Variants in HS6ST3 observed in about 807,000 individuals in gnomAD.
The protein encoded by HS6ST3 is heparan-sulfate 6-O-sulfotransferase 3.
HS6ST3 carries 12 observed loss-of-function variants against 36.7 expected under a neutral mutation model. That is an observed-to-expected ratio of 0.33 (90% CI 0.21 to 0.53). The LOEUF is 0.53. Among genes scored for constraint, HS6ST3 ranks in the 20% least tolerant of loss-of-function variants. The pLI is 0.95. For missense variants in HS6ST3, 584 were observed against 640.9 expected (o/e 0.91, Z 0.96); for synonymous variants, 240 against 257.5 (o/e 0.93, Z 0.65).
intron 1 of HS6ST3, among the ~76,000 whole-genome samples, chr13:96,712,690 G>A (rs1174690847): frequency 1.3e-5 from 2 of 152,102 alleles, no homozygotes; most frequent in African/African-American, 4.8e-5. Context: ...GATGGCTTCC[G>A]AAGGTCCACT....
At chr13:96,322,207 T>C (rs1009103816) in intron 1 of HS6ST3, among the ~76,000 whole-genome samples, 5 of 152,110 alleles carry the variant, frequency 3.3e-5, no homozygotes, top group Non-Finnish European at 7.3e-5. Flanking sequence ...ACCTGCATAA[T>C]CCAGTTTCCC....
intron 1 of HS6ST3, among the ~76,000 whole-genome samples, chr13:96,316,565 G>C (rs1003301511): frequency 6.6e-6 from 1 of 152,112 alleles, no homozygotes; most frequent in Non-Finnish European, 1.5e-5. Context: ...ACACTTCAGG[G>C]GAGAAGCCCA....
intron 1 of HS6ST3, among the ~76,000 whole-genome samples, chr13:96,242,275 G>A (rs1235651013): frequency 6.6e-6 from 1 of 151,032 alleles, no homozygotes; most frequent in Non-Finnish European, 1.5e-5. Context: ...AAGGTAGAGT[G>A]CAATGGTGCC....
intron 1 of HS6ST3, among the ~76,000 whole-genome samples, chr13:96,336,064 A>G (rs1349658531): frequency 6.6e-6 from 1 of 152,154 alleles, no homozygotes; most frequent in Admixed American, 6.5e-5. Flanking sequence ...GAGAGTTTTG[A>G]CTAATTGGAA....
chr13:96,579,938 T>C (rs1161946036), intron 1 of HS6ST3, among the ~76,000 whole-genome samples: 1 of 152,188 alleles, frequency 6.6e-6, no homozygotes, highest in South Asian at 2.1e-4. Context: ...ATAATCTCTC[T>C]CCTAGATAAT....
intron 1 of HS6ST3, among the ~76,000 whole-genome samples, chr13:96,306,122 TAAGACAGAG>T (rs2054911904): frequency 6.7e-6 from 1 of 148,234 alleles, no homozygotes. Flanking sequence ...TTTTTTTTTT[TAAGACAGAG>T]TCTCGTTCTG....
At chr13:96,350,983 A>G (rs1378015064) in intron 1 of HS6ST3, among the ~76,000 whole-genome samples, 2 of 152,196 alleles carry the variant, frequency 1.3e-5, no homozygotes, top group Non-Finnish European at 2.9e-5. Flanking sequence ...ATTATTTGGG[A>G]AGACTTTTTT....
chr13:96,717,586 A>G (rs972183147), intron 1 of HS6ST3, among the ~76,000 whole-genome samples: 6 of 152,260 alleles, frequency 3.9e-5, no homozygotes, highest in Non-Finnish European at 7.3e-5. Flanking sequence ...AAATGAAAAT[A>G]CAGCATAGCT....
At chr13:96,637,804 T>C (rs2056555036) in intron 1 of HS6ST3, among the ~76,000 whole-genome samples, 1 of 152,130 alleles carries the variant, frequency 6.6e-6, no homozygotes, top group Non-Finnish European at 1.5e-5. Flanking sequence ...ATAGTCATTC[T>C]TTTTATTTAA....
rs147017021 is a variant in HS6ST3 at position 96,291,037 on chromosome 13, C to T, written c.707+199468C>T. The stretch of plus-strand genomic sequence containing the variant: ...GCAACCTTTTCTGTGAAGTCTTTCC[C>T]GACCACCCTTTAAACATTCTTAAAC... On this transcript the variant is annotated intron_variant, in intron 1 of 1. Transcript: ENST00000376705. Among the ~76,000 whole-genome samples, 113 of 152,296 alleles carry T rather than the reference C, an allele frequency of 7.4e-4. 2 individuals carry two copies. The highest frequency in any genetic ancestry group is 2.5e-3 in the African/African-American group (106 of 41,580).
In HS6ST3 at chr13:96,422,028, C is replaced by T. The variant is rs150763684; in HGVS notation, c.707+330459C>T. ...ATCACCTCCTTCTGAATATATTGCA[C>T]GTTTCATGCTTCCCTGAATAACACT... On this transcript the variant is annotated intron_variant, in intron 1 of 1. Transcript: ENST00000376705. Among the ~76,000 whole-genome samples, 9 of 152,304 alleles carry T rather than the reference C, an allele frequency of 5.9e-5. No homozygotes were observed. In the East Asian group the frequency reaches 1.7e-3, roughly 29 times the overall value.
intron 1 of HS6ST3, among the ~76,000 whole-genome samples, chr13:96,703,940 G>T (rs35044738): frequency 2.6e-5 from 4 of 151,936 alleles, no homozygotes; most frequent in African/African-American, 9.7e-5. Flanking sequence ...CCCACAAGCT[G>T]CCATGTAAGA....
intron 1 of HS6ST3, among the ~76,000 whole-genome samples, chr13:96,789,837 GA>G (rs1877738804): frequency 6.6e-6 from 1 of 151,550 alleles, no homozygotes; most frequent in African/African-American, 2.4e-5. Flanking sequence ...TTGATTTTAA[GA>G]TTTTTTTCTT....
At chr13:96,143,637 A>C (rs2054042705) in intron 1 of HS6ST3, among the ~76,000 whole-genome samples, 1 of 152,026 alleles carries the variant, frequency 6.6e-6, no homozygotes, top group Non-Finnish European at 1.5e-5. Context: ...CCATTTACCA[A>C]AAAAATAGAC....
intron 1 of HS6ST3, among the ~76,000 whole-genome samples, chr13:96,612,721 C>A (rs2138989629): frequency 6.6e-6 from 1 of 152,274 alleles, no homozygotes; most frequent in African/African-American, 2.4e-5. Context: ...GCCCCTTTTA[C>A]AACATCTACC....
At chr13:96,461,861 T>C (rs2055785977) in intron 1 of HS6ST3, among the ~76,000 whole-genome samples, 2 of 152,112 alleles carry the variant, frequency 1.3e-5, no homozygotes, top group Non-Finnish European at 2.9e-5. Flanking sequence ...ATAAGGAGAT[T>C]AGAAAAAAAT....
chr13:96,414,670 T>C (rs7999186), intron 1 of HS6ST3, among the ~76,000 whole-genome samples: 128,445 of 152,078 alleles, frequency 0.84, 54,718 homozygotes, highest in South Asian at 0.94. Flanking sequence ...TTAGTAGAGA[T>C]GGAGTTTTAC....
chr13:96,767,475 G>A (rs1877148037), intron 1 of HS6ST3, among the ~76,000 whole-genome samples: 2 of 152,224 alleles, frequency 1.3e-5, no homozygotes, highest in South Asian at 4.1e-4. Context: ...GTATGTATGT[G>A]TTGTGTAGGG....
chr13:96,536,837 T>C (rs2056157327), intron 1 of HS6ST3, among the ~76,000 whole-genome samples: 1 of 152,322 alleles, frequency 6.6e-6, no homozygotes, highest in African/African-American at 2.4e-5. Context: ...ACCAAAGTTG[T>C]GTGGTTTCAG....
Sources: allele counts gnomAD v4.1 joint callset (sites outside exome capture counted in the v4.1 genomes callset), GRCh38; gene constraint gnomAD v4.1.1; transcripts MANE v1.5; gene names NCBI Gene and HGNC (gene_info 2026-07-23, HGNC 2026-07-21).